Variants in TRERF1 observed in about 807,000 individuals in gnomAD.
TRERF1 encodes transcriptional-regulating factor 1.
In TRERF1, 27 loss-of-function variants were observed where a neutral mutation model predicts 122.9. The ratio of observed to expected loss-of-function variants is 0.22; its 90% CI spans 0.16 to 0.30. TRERF1 has a LOEUF of 0.30. TRERF1 is among the 10% of genes least tolerant of loss of function. TRERF1 has a pLI of 1.00. For missense variants in TRERF1, 1,248 were observed against 1,560.3 expected, an observed-to-expected ratio of 0.80 and a Z score of 3.37; for synonymous variants, 636 against 641.7, an observed-to-expected ratio of 0.99 and a Z score of 0.13.
At chr6:42,235,719 G>A (rs941394077) in intron 16 of TRERF1, among the ~76,000 whole-genome samples, 1 of 152,042 alleles carries the variant, frequency 6.6e-6, no homozygotes, top group Non-Finnish European at 1.5e-5. Context: ...GTGACATTTC[G>A]ATTAGTAACA....
At chr6:42,404,581 C>T (rs1779903413) in intron 2 of TRERF1, among the ~76,000 whole-genome samples, 1 of 152,114 alleles carries the variant, frequency 6.6e-6, no homozygotes, top group Non-Finnish European at 1.5e-5. Flanking sequence ...CCCACTGCAC[C>T]CAGCCTGAGG....
At chr6:42,436,814 AAT>A (rs56057543) in intron 2 of TRERF1, among the ~76,000 whole-genome samples, 11,956 of 65,920 alleles carry the variant, frequency 0.18, 956 homozygotes, top group Non-Finnish European at 0.25. Flanking sequence ...AAAAAAAAAA[AAT>A]ATATATATAT....
At chr6:42,351,088 C>T (rs543901592) in intron 3 of TRERF1, among the ~76,000 whole-genome samples, 1 of 152,240 alleles carries the variant, frequency 6.6e-6, no homozygotes, top group Non-Finnish European at 1.5e-5. Flanking sequence ...ACTGAAACAA[C>T]ACGATACTAT....
chr6:42,439,889 T>G (rs900577066), intron 2 of TRERF1, among the ~76,000 whole-genome samples: 1 of 152,266 alleles, frequency 6.6e-6, no homozygotes, highest in African/African-American at 2.4e-5. Flanking sequence ...TCTGCCTTTT[T>G]CTGGTGGGCA....
chr6:42,363,158 C>T (rs11966271), intron 2 of TRERF1, 79 bp from the exon 3 acceptor site: 14,262 of 152,186 alleles, frequency 0.094, 1,013 homozygotes, highest in African/African-American at 0.2. Context: ...AGGGAGAGGT[C>T]GGAGGAGTGA....
chr6:42,262,041 GTTCCCCAAGGGAACTAT>G (rs776197068), intron 8 of TRERF1, among the ~76,000 whole-genome samples: 2 of 152,048 alleles, frequency 1.3e-5, no homozygotes, highest in Non-Finnish European at 2.9e-5. Flanking sequence ...TTAATTGAGA[GTTCCCCAAGGGAACTAT>G]TTCCCCAAGG....
At chr6:42,442,118 C>CAA (rs923715253) in intron 2 of TRERF1, among the ~76,000 whole-genome samples, 3 of 152,104 alleles carry the variant, frequency 2.0e-5, no homozygotes, top group Non-Finnish European at 2.9e-5. Flanking sequence ...ACTCAAGCCC[C>CAA]AATACTTCAG....
intron 3 of TRERF1, among the ~76,000 whole-genome samples, chr6:42,336,043 T>C (rs902551855): frequency 4.6e-5 from 7 of 152,138 alleles, no homozygotes; most frequent in South Asian, 2.1e-4. Context: ...GAATTTCAAG[T>C]TGTATTTCAC....
intron 2 of TRERF1, among the ~76,000 whole-genome samples, chr6:42,447,331 A>G (rs1787695381): frequency 6.6e-6 from 1 of 152,204 alleles, no homozygotes; most frequent in African/African-American, 2.4e-5. Context: ...ATTTATTAAG[A>G]GAGCCCTGGG....
intron 2 of TRERF1, among the ~76,000 whole-genome samples, chr6:42,364,838 G>C (rs539056292): frequency 2.0e-5 from 3 of 152,190 alleles, no homozygotes; most frequent in Admixed American, 6.5e-5. Flanking sequence ...AGAAGGTAAG[G>C]CTGAGGGGTG....
chr6:42,385,264 A>G (rs60100876), intron 2 of TRERF1, among the ~76,000 whole-genome samples: 2,866 of 152,294 alleles, frequency 0.019, 87 homozygotes, highest in African/African-American at 0.064. Flanking sequence ...GGTGTGAGCC[A>G]CTGCACCCGA....
At chr6:42,247,517 AG>A (rs1775013081) in intron 13 of TRERF1, among the ~76,000 whole-genome samples, 1 of 152,188 alleles carries the variant, frequency 6.6e-6, no homozygotes, top group African/African-American at 2.4e-5. Flanking sequence ...TTCAAGTATA[AG>A]GTTCCAGCAG....
intron 3 of TRERF1, among the ~76,000 whole-genome samples, chr6:42,333,190 C>T (rs764148336): frequency 2.6e-5 from 4 of 152,198 alleles, no homozygotes; most frequent in Non-Finnish European, 5.9e-5. Context: ...AACTGAGATG[C>T]TTCCTGATTA....
intron 3 of TRERF1, among the ~76,000 whole-genome samples, chr6:42,338,744 T>C (rs759819036): frequency 7.2e-5 from 11 of 152,168 alleles, no homozygotes; most frequent in Non-Finnish European, 1.3e-4. Flanking sequence ...ATCAACCATG[T>C]GGCTAGAATG....
chr6:42,267,005 TA>T (rs1375450264), intron 5 of TRERF1, among the ~76,000 whole-genome samples: 1 of 152,134 alleles, frequency 6.6e-6, no homozygotes, highest in East Asian at 1.9e-4. Context: ...TCACACATGG[TA>T]TCTGCGAGAC....
chr6:42,239,271 G>A (rs1370059705), intron 15 of TRERF1, among the ~76,000 whole-genome samples: 1 of 152,192 alleles, frequency 6.6e-6, no homozygotes, highest in Non-Finnish European at 1.5e-5. Context: ...AACTGCCTCA[G>A]TTGGTTTCTT....
chr6:42,325,261 G>T (rs746912233), intron 3 of TRERF1, among the ~76,000 whole-genome samples: 1 of 152,186 alleles, frequency 6.6e-6, no homozygotes, highest in African/African-American at 2.4e-5. Context: ...AATAACAGAT[G>T]TTAGCGCGGC....
intron 2 of TRERF1, among the ~76,000 whole-genome samples, chr6:42,447,652 A>G (rs1787758439): frequency 6.6e-6 from 1 of 152,124 alleles, no homozygotes; most frequent in African/African-American, 2.4e-5. Context: ...CACCATTTAT[A>G]CCGCCTGGGG....
chr6:42,409,985 C>G (rs567638949), intron 2 of TRERF1, among the ~76,000 whole-genome samples: 64 of 152,210 alleles, frequency 4.2e-4, no homozygotes, highest in African/African-American at 1.5e-3. Flanking sequence ...CCACTGAGAC[C>G]AAATTCATTC....
Sources: allele counts gnomAD v4.1 joint callset (sites outside exome capture counted in the v4.1 genomes callset), GRCh38; gene constraint gnomAD v4.1.1; transcripts MANE v1.5; gene names NCBI Gene and HGNC (gene_info 2026-07-23, HGNC 2026-07-21).